PAPPA: variants seen among roughly 807,000 people sequenced by gnomAD.
PAPPA encodes pappalysin-1.
PAPPA carries 60 observed loss-of-function variants against 164.0 expected under a neutral mutation model. That is an observed-to-expected ratio of 0.37 (90% CI 0.30 to 0.45). PAPPA has a LOEUF of 0.45. Ranked by LOEUF, PAPPA falls within the 20% of genes least tolerant of loss-of-function variation. PAPPA has a pLI of 1.00. For missense variants in PAPPA, 1,782 were observed against 2,087.3 expected, an observed-to-expected ratio of 0.85 and a Z score of 2.85; for synonymous variants, 875 against 814.1, an observed-to-expected ratio of 1.07 and a Z score of -1.27.
chr9:116,252,376 T>G (rs1239432313), intron 7 of PAPPA, among the ~76,000 whole-genome samples: 1 of 152,244 alleles, frequency 6.6e-6, no homozygotes. Flanking sequence ...GAGCTCACAG[T>G]GACCACCAGG....
chr9:116,389,874 T>C (rs751401200), intron 21 of PAPPA, among the ~76,000 whole-genome samples: 8 of 152,072 alleles, frequency 5.3e-5, no homozygotes, highest in Non-Finnish European at 8.8e-5. Flanking sequence ...AAAATATATT[T>C]ATTATTTATG....
At chr9:116,289,269 A>G (rs1428876796) in intron 9 of PAPPA, among the ~76,000 whole-genome samples, 1,007 of 91,962 alleles carry the variant, frequency 0.011, 119 homozygotes, top group Non-Finnish European at 0.014. Flanking sequence ...ATATATATAT[A>G]GCATATATAT....
chr9:116,274,084 CA>C (rs11342214), intron 9 of PAPPA, among the ~76,000 whole-genome samples: 56,766 of 140,568 alleles, frequency 0.4, 10,860 homozygotes, highest in East Asian at 0.66. Flanking sequence ...AAGCTACCTG[CA>C]AAAAAAAAAA....
intron 19 of PAPPA, among the ~76,000 whole-genome samples, chr9:116,371,730 C>T (rs1846577768): frequency 6.6e-6 from 1 of 151,994 alleles, no homozygotes; most frequent in African/African-American, 2.4e-5. Flanking sequence ...TAACTTACTT[C>T]TTTAAGTGTA....
At chr9:116,293,282 CTT>C (rs1272942360) in intron 9 of PAPPA, among the ~76,000 whole-genome samples, 1 of 152,180 alleles carries the variant, frequency 6.6e-6, no homozygotes, top group African/African-American at 2.4e-5. Context: ...AATTTAAAAA[CTT>C]TGAATTTTTC....
chr9:116,192,594 C>A (rs1844055983), intron 2 of PAPPA, among the ~76,000 whole-genome samples: 1 of 152,198 alleles, frequency 6.6e-6, no homozygotes, highest in Admixed American at 6.5e-5. Flanking sequence ...GTCAACACCC[C>A]ACTGCAATCA....
At chr9:116,379,764 G>A (rs1846703483) in intron 20 of PAPPA, among the ~76,000 whole-genome samples, 1 of 152,138 alleles carries the variant, frequency 6.6e-6, no homozygotes, top group Admixed American at 6.5e-5. Flanking sequence ...AATACAAGAG[G>A]CTATGGCAGC....
chr9:116,216,713 C>A (rs1384393924), intron 4 of PAPPA, among the ~76,000 whole-genome samples: 4 of 152,066 alleles, frequency 2.6e-5, no homozygotes, highest in Non-Finnish European at 5.9e-5. Flanking sequence ...AAGTAATGTA[C>A]CTTGGGATAG....
intron 18 of PAPPA, among the ~76,000 whole-genome samples, chr9:116,363,426 G>A (rs1846455982): frequency 6.6e-6 from 1 of 152,158 alleles, no homozygotes; most frequent in Non-Finnish European, 1.5e-5. Context: ...ATGGTGACAG[G>A]CCAGCTCGAG....
At chr9:116,230,208 T>C (rs543651521) in intron 6 of PAPPA, among the ~76,000 whole-genome samples, 1 of 152,316 alleles carries the variant, frequency 6.6e-6, no homozygotes, top group Non-Finnish European at 1.5e-5. Context: ...CCTATTACAG[T>C]CTCTGTGATC....
At chr9:116,229,811 G>T (rs1392643691) in intron 6 of PAPPA, among the ~76,000 whole-genome samples, 1 of 152,210 alleles carries the variant, frequency 6.6e-6, no homozygotes, top group Non-Finnish European at 1.5e-5. Context: ...ATGATGGTGG[G>T]CTGGTGAGGT....
intron 1 of PAPPA, among the ~76,000 whole-genome samples, chr9:116,182,898 G>C (rs1297462374): frequency 6.6e-6 from 1 of 152,162 alleles, no homozygotes; most frequent in Non-Finnish European, 1.5e-5. Flanking sequence ...CCTCTGTGCA[G>C]TGTGCCCAGA....
Position 116,329,251 on chromosome 9 carries a change from G to A in PAPPA, c.3148-1993G>A, listed in dbSNP as rs564750522. 1.8e-4 allele frequency among the ~76,000 whole-genome samples: 28 copies of A among 152,250 alleles called. No homozygotes were observed. The South Asian group carries it at 5.2e-3, about 28-fold the overall frequency. Reference sequence around the variant, plus strand: ...TCATAGAAAATTCAGACCTGGTCCCGTTCATTGGAGCCCACTGTACTGAAC... The same window carrying A: ...TCATAGAAAATTCAGACCTGGTCCCATTCATTGGAGCCCACTGTACTGAAC... On this transcript the variant is annotated intron_variant, in intron 10 of 21. Transcript: ENST00000328252.
intron 20 of PAPPA, among the ~76,000 whole-genome samples, chr9:116,378,764 G>T (rs941984650): frequency 6.6e-6 from 1 of 152,152 alleles, no homozygotes; most frequent in Admixed American, 6.5e-5. Context: ...TAACCACAAA[G>T]ACAAAACGTA....
At position 116,289,221 on chromosome 9, in the gene PAPPA, CAT is replaced by C. The variant is rs1187460809; in HGVS notation, c.2954-13526_2954-13525del. Among the ~76,000 whole-genome samples, 32 of 3,274 alleles carry C rather than the reference CAT, an allele frequency of 9.8e-3. 6 individuals carry two copies. Among genetic ancestry groups the C allele is most frequent in the South Asian group, 0.041 (3 of 74 alleles). 2.1% of individuals were successfully genotyped at this position (3,274 alleles called of 152,430 possible). A position where few individuals can be genotyped will look rare whatever the true frequency, so the allele number is the denominator to read the frequency against. Reference sequence around the variant, plus strand: ...GCATATATATATAGCATATATGTAGCATATATATATAGCATATATATATAGCA... The same window carrying C: ...GCATATATATATAGCATATATGTAGCATATATATAGCATATATATATAGCA... On this transcript the variant is annotated intron_variant, in intron 9 of 21. Coordinates refer to ENST00000328252, the MANE Select transcript of PAPPA (RefSeq NM_002581.5).
chr9:116,159,028 A>G (rs1292708730), intron 1 of PAPPA, among the ~76,000 whole-genome samples: 1 of 152,182 alleles, frequency 6.6e-6, no homozygotes, highest in Non-Finnish European at 1.5e-5. Context: ...TGTGTCAACC[A>G]TATACCTACA....
intron 10 of PAPPA, among the ~76,000 whole-genome samples, chr9:116,313,575 G>A (rs1845749993): frequency 6.6e-6 from 1 of 152,154 alleles, no homozygotes; most frequent in African/African-American, 2.4e-5. Flanking sequence ...CATGCACCAG[G>A]GAGCTACGGT....
intron 1 of PAPPA, among the ~76,000 whole-genome samples, chr9:116,156,275 CGTGTGT>C (rs112482587): frequency 7.4e-6 from 1 of 135,596 alleles, no homozygotes; most frequent in Non-Finnish European, 1.5e-5. Flanking sequence ...TACATAAATA[CGTGTGT>C]GTGTGTGTAT....
Position 116,154,521 on chromosome 9 carries a change from G to T in PAPPA, c.349G>T (p.Asp117Tyr). 1 of 1,402,020 alleles carries T rather than the reference G, an allele frequency of 7.1e-7. No homozygotes were observed. Among genetic ancestry groups the T allele is most frequent in the South Asian group, 1.5e-5 (1 of 66,134 alleles). 86.8% of individuals were successfully genotyped at this position (1,402,020 alleles called of 1,614,324 possible). ...RLRADLELPRDAFTLQVWLRA... is the reference protein window; with the variant it reads ...RLRADLELPRYAFTLQVWLRA... The stretch of plus-strand genomic sequence containing the variant: ...CCGGGCCGACCTCGAGCTGCCCCGG[G>T]ACGCGTTCACGCTGCAAGTGTGGCT... The change falls in exon 1 of 22, where the codon GAC (aspartate) becomes TAC (tyrosine). Residue 117 changes from aspartate to tyrosine, a missense_variant. Asp to Tyr is a radical substitution (Grantham distance 160, BLOSUM62 -3). Transcript: ENST00000328252. This position sits in a 1 kb window ranked among gnomAD's most constrained non-coding sequence, Gnocchi z 5.2.
Sources: gnomAD v4.1 joint callset for allele counts (sites outside exome capture counted in the v4.1 genomes callset) on GRCh38, gnomAD v4.1.1 for gene constraint, Gnocchi (gnomAD v3.1) non-coding constraint, MANE v1.5 for transcripts, NCBI Gene and HGNC (gene_info 2026-07-23, HGNC 2026-07-21) for gene names.